Variants in GALNTL6 observed in about 807,000 individuals in gnomAD.
GALNTL6 encodes the protein polypeptide N-acetylgalactosaminyltransferase-like 6.
Under a neutral mutation model 73.7 loss-of-function variants are expected in GALNTL6, and 46 were observed. The ratio of observed to expected loss-of-function variants is 0.62; its 90% confidence interval spans 0.49 to 0.80. GALNTL6 has a LOEUF of 0.80. GALNTL6 is among the 30% of genes least tolerant of loss of function. GALNTL6 has a pLI of 0.00. For missense variants in GALNTL6, 604 were observed against 755.0 expected (o/e 0.80, Z 2.34); for synonymous variants, 259 against 263.7 (o/e 0.98, Z 0.17).
At chr4:172,375,405 G>T (rs1447495269) in intron 5 of GALNTL6, among the ~76,000 whole-genome samples, 1 of 152,138 alleles carries the variant, frequency 6.6e-6, no homozygotes, top group Non-Finnish European at 1.5e-5. Flanking sequence ...GGTCAAATTG[G>T]TCCCAATAGC....
intron 7 of GALNTL6, among the ~76,000 whole-genome samples, chr4:172,872,717 T>C (rs2111167948): frequency 6.6e-6 from 1 of 152,330 alleles, no homozygotes; most frequent in Non-Finnish European, 1.5e-5. Flanking sequence ...TCACTCTTTG[T>C]AGGCAGATCT....
intron 5 of GALNTL6, among the ~76,000 whole-genome samples, chr4:172,562,626 G>T (rs1736415782): frequency 6.6e-6 from 1 of 152,158 alleles, no homozygotes; most frequent in Non-Finnish European, 1.5e-5. Context: ...CCTTATCCCG[G>T]CCTCTTCTCT....
At chr4:172,313,348 C>T (rs1271515191) in intron 4 of GALNTL6, among the ~76,000 whole-genome samples, 3 of 152,072 alleles carry the variant, frequency 2.0e-5, no homozygotes, top group Non-Finnish European at 4.4e-5. Context: ...TAGTCTCGAT[C>T]TCCTGACCTC....
chr4:172,973,536 G>C (rs954700652), intron 10 of GALNTL6, among the ~76,000 whole-genome samples: 4 of 152,066 alleles, frequency 2.6e-5, no homozygotes, highest in African/African-American at 9.7e-5. Context: ...AAGATACAAG[G>C]CTGAAGTACA....
intron 5 of GALNTL6, among the ~76,000 whole-genome samples, chr4:172,656,251 C>T (rs1731006234): frequency 6.6e-6 from 1 of 152,152 alleles, no homozygotes; most frequent in Non-Finnish European, 1.5e-5. Context: ...GCAGTGTCTG[C>T]TCCTTAATTC....
intron 7 of GALNTL6, among the ~76,000 whole-genome samples, chr4:172,850,164 C>T (rs756212517): frequency 3.9e-5 from 6 of 152,058 alleles, no homozygotes; most frequent in Non-Finnish European, 8.8e-5. Flanking sequence ...CATGGACCTC[C>T]TAGCCCTCAC....
intron 5 of GALNTL6, among the ~76,000 whole-genome samples, chr4:172,534,253 G>T (rs1409016202): frequency 2.6e-5 from 4 of 152,144 alleles, no homozygotes. Context: ...AGCACTTCAG[G>T]CCTCTCCTGC....
At chr4:172,482,219 G>A (rs1050939538) in intron 5 of GALNTL6, among the ~76,000 whole-genome samples, 4 of 152,186 alleles carry the variant, frequency 2.6e-5, no homozygotes, top group African/African-American at 4.8e-5. Flanking sequence ...GCCCAGGAGC[G>A]CTTCATGCAG....
At chr4:171,871,707 A>G (rs920244097) in intron 2 of GALNTL6, among the ~76,000 whole-genome samples, 3 of 152,240 alleles carry the variant, frequency 2.0e-5, no homozygotes, top group Non-Finnish European at 4.4e-5. Context: ...CCCGAAAAAA[A>G]CACTACAATG....
intron 10 of GALNTL6, among the ~76,000 whole-genome samples, chr4:173,000,347 C>T (rs1751993380): frequency 6.6e-6 from 1 of 152,108 alleles, no homozygotes; most frequent in South Asian, 2.1e-4. Context: ...AGTAGAAACA[C>T]ATTTAACAAA....
chr4:172,614,271 T>C (rs1283152141), intron 5 of GALNTL6, among the ~76,000 whole-genome samples: 1 of 152,132 alleles, frequency 6.6e-6, no homozygotes. Flanking sequence ...AAAAAAATTG[T>C]CTCTCTATTT....
At chr4:171,980,410 A>G (rs1739861423) in intron 2 of GALNTL6, among the ~76,000 whole-genome samples, 1 of 152,214 alleles carries the variant, frequency 6.6e-6, no homozygotes, top group Non-Finnish European at 1.5e-5. Context: ...GTTGAAAATA[A>G]TATCAAGAAA....
intron 5 of GALNTL6, among the ~76,000 whole-genome samples, chr4:172,587,796 G>A (rs1737471962): frequency 6.6e-6 from 1 of 152,142 alleles, no homozygotes; most frequent in Non-Finnish European, 1.5e-5. Context: ...GCAAGTGCAT[G>A]TGCAGAAGTG....
intron 5 of GALNTL6, among the ~76,000 whole-genome samples, chr4:172,728,052 A>G (rs1735929214): frequency 6.6e-6 from 1 of 152,102 alleles, no homozygotes; most frequent in South Asian, 2.1e-4. Flanking sequence ...AGCTGGGACT[A>G]TAGGCACCTG....
chr4:172,477,848 C>G (rs1009917360), intron 5 of GALNTL6, among the ~76,000 whole-genome samples: 2 of 151,840 alleles, frequency 1.3e-5, no homozygotes, highest in Admixed American at 1.3e-4. Flanking sequence ...ATTTTTTTCC[C>G]ATCAAAGTTT....
chr4:172,370,100 G>C (rs1382865658), intron 5 of GALNTL6, among the ~76,000 whole-genome samples: 1 of 152,178 alleles, frequency 6.6e-6, no homozygotes, highest in African/African-American at 2.4e-5. Context: ...CTTCCTTCTG[G>C]ATAGGGGTGA....
chr4:171,967,918 G>A (rs1249086431), intron 2 of GALNTL6, among the ~76,000 whole-genome samples: 2 of 152,116 alleles, frequency 1.3e-5, no homozygotes, highest in Admixed American at 1.3e-4. Context: ...AGAAATTGGA[G>A]GCTTTTAACA....
intron 5 of GALNTL6, among the ~76,000 whole-genome samples, chr4:172,708,360 A>G (rs1447850120): frequency 6.6e-6 from 1 of 152,162 alleles, no homozygotes; most frequent in Non-Finnish European, 1.5e-5. Flanking sequence ...ACCCTGTCAA[A>G]ATAGAAGTGT....
At chr4:172,052,490 A>G (rs1051623193) in intron 2 of GALNTL6, 2 of 1,535,140 alleles carry the variant, frequency 1.3e-6, no homozygotes, top group African/African-American at 2.7e-5. Context: ...GAGGAATCCA[A>G]GCATTAGTGC....
Sources: allele counts gnomAD v4.1 joint callset (sites outside exome capture counted in the v4.1 genomes callset), GRCh38; gene constraint gnomAD v4.1.1; transcripts MANE v1.5; gene names NCBI Gene and HGNC (gene_info 2026-07-23, HGNC 2026-07-21).